The following LSM1 variants were observed in gnomAD, a reference collection of about 807,000 sequenced individuals.
LSM1 encodes the protein U6 snRNA-associated Sm-like protein LSm1.
LSM1 carries 13 observed loss-of-function variants against 18.0 expected under a neutral mutation model. The ratio of observed to expected loss-of-function variants is 0.72; its 90% CI spans 0.47 to 1.15. The LOEUF is 1.15. LSM1 is among the 50% of genes most tolerant of loss of function. The pLI is 0.00. For missense variants in LSM1, 152 were observed against 157.7 expected (o/e 0.96, Z 0.19); for synonymous variants, 46 against 56.0 (o/e 0.82, Z 0.80).
At position 38,163,772 on chromosome 8, in the gene LSM1, C is replaced by G. The variant is rs372428495; in HGVS notation, c.300G>C (p.Arg100Ser). The G allele has an allele frequency of 1.9e-6, 3 of 1,614,134 alleles. No homozygotes were observed. In the Admixed American group the frequency reaches 5.0e-5, roughly 27 times the overall value. The change falls in exon 4 of 4, where the codon AGG (arginine) becomes AGC (serine). Residue 100 changes from arginine to serine, a missense_variant. Physicochemically the swap from Arg to Ser is moderately radical, Grantham distance 110. Transcript: ENST00000311351. ...VSIEEILEEQ[R>S]VEQQTKLEAE... ...CTTCCAGCTTGGTCTGCTGTTCCAC[C>G]CTTTGTTCTTCTAGAATTTCTTCAA... is the stretch of plus-strand genomic sequence containing the variant.
intron 3 of LSM1, among the ~76,000 whole-genome samples, chr8:38,169,069 C>T (rs1327378207): frequency 1.3e-5 from 2 of 152,292 alleles, no homozygotes; most frequent in Non-Finnish European, 2.9e-5. Flanking sequence ...AGTGCTGGCT[C>T]AACCCTTAAT....
At chr8:38,167,206 CAATT>C (rs1336561466) in intron 3 of LSM1, among the ~76,000 whole-genome samples, 1 of 152,196 alleles carries the variant, frequency 6.6e-6, no homozygotes, top group African/African-American at 2.4e-5. Flanking sequence ...TCCAAGGAAA[CAATT>C]AAACTTCAAG....
In LSM1 at chr8:38,169,203, G is replaced by A. The variant is rs375090659; in HGVS notation, c.231+599C>T. Among the ~76,000 whole-genome samples, 176 of 152,106 alleles carry A rather than the reference G, an allele frequency of 1.2e-3. 1 individual carries two copies. Among genetic ancestry groups the A allele is most frequent in the African/African-American group, 3.9e-3 (163 of 41,474 alleles). On this transcript the variant is annotated intron_variant, in intron 3 of 3. Transcript: ENST00000311351. ...AAATCTGAGTACTTCTAGTAGGGGT[G>A]TGTGTGTGTATGTCTGCACACACGA...
intron 3 of LSM1, among the ~76,000 whole-genome samples, chr8:38,168,766 CA>C (rs1563274622): frequency 2.0e-5 from 3 of 150,656 alleles, no homozygotes; most frequent in Non-Finnish European, 4.4e-5. Flanking sequence ...TATTTCACAG[CA>C]TATATTTCAT....
chr8:38,168,731 A>G (rs1585639659), intron 3 of LSM1, among the ~76,000 whole-genome samples: 1 of 152,036 alleles, frequency 6.6e-6, no homozygotes, highest in Non-Finnish European at 1.5e-5. Context: ...TAAATATTTT[A>G]TAAGTAAGAA....
chr8:38,163,492 A>AT lies in LSM1; in HGVS notation c.*177dup, dbSNP rs5891007. ...TGTTTCTTTAAACAGTGATTTTGTT[A>AT]TTAAAAAAAAAACCCACCTACACGA... is the stretch of plus-strand genomic sequence containing the variant. On this transcript the variant is annotated 3_prime_UTR_variant, in exon 4 of 4. Coordinates refer to ENST00000311351, the MANE Select transcript of LSM1 (RefSeq NM_014462.3). 0.22 allele frequency: 115,810 copies of AT among 538,254 alleles called. 11,055 individuals carry two copies. The highest frequency in any genetic ancestry group is 0.29 in the East Asian group (9,838 of 33,832). The allele number at this position is 538,254 out of a possible 1,614,324, so 33.3% of individuals were successfully genotyped here.
intron 3 of LSM1, among the ~76,000 whole-genome samples, chr8:38,167,738 G>C (rs1228952793): frequency 6.6e-6 from 1 of 152,118 alleles, no homozygotes; most frequent in Non-Finnish European, 1.5e-5. Flanking sequence ...ACCATGCAGA[G>C]ATGGGTCAGC....
At position 38,176,316 on chromosome 8, in the gene LSM1, T is replaced by C. The variant is rs1803143620; in HGVS notation, c.5A>G (p.Asn2Ser). 1 of 1,612,612 alleles carries C rather than the reference T, an allele frequency of 6.2e-7. No homozygotes were observed. Among genetic ancestry groups the C allele is most frequent in the Non-Finnish European group, 8.5e-7 (1 of 1,179,434 alleles). ...GAGGCTGGCGGTGCCAGGCATATAGTTCATTTTGAACTGAAATAATGCTGC... is the reference window on the plus strand; with the variant it reads ...GAGGCTGGCGGTGCCAGGCATATAGCTCATTTTGAACTGAAATAATGCTGC... M[N>S]YMPGTASLIE... Residue 2 changes from asparagine to serine, a missense_variant, in exon 1 of 4, where the codon AAC (asparagine) becomes AGC (serine). Physicochemically the swap from Asn to Ser is conservative, Grantham distance 46 (BLOSUM62 1). Transcript: ENST00000311351.
At chr8:38,175,521 A>G (rs1803118373) in intron 1 of LSM1, among the ~76,000 whole-genome samples, 1 of 152,248 alleles carries the variant, frequency 6.6e-6, no homozygotes, top group Non-Finnish European at 1.5e-5. Context: ...TGCTTGAGGA[A>G]TAATGCACAG....
intron 2 of LSM1, among the ~76,000 whole-genome samples, chr8:38,171,254 C>T (rs1220627691): frequency 2.0e-5 from 3 of 152,176 alleles, no homozygotes; most frequent in East Asian, 1.9e-4. Flanking sequence ...AGCCTTGGGC[C>T]GGGCACAATG....
chr8:38,168,102 C>T (rs570246040), intron 3 of LSM1, among the ~76,000 whole-genome samples: 1 of 151,948 alleles, frequency 6.6e-6, no homozygotes, highest in South Asian at 2.1e-4. Context: ...GCTGGGACTA[C>T]AGGCGCCCGC....
At chr8:38,171,183 G>A (rs754237445) in intron 2 of LSM1, among the ~76,000 whole-genome samples, 56 of 152,128 alleles carry the variant, frequency 3.7e-4, no homozygotes, top group Non-Finnish European at 1.3e-4. Context: ...GCTAGGGAGG[G>A]ATTACCTTCA....
In LSM1 at chr8:38,163,728, T is replaced by C; in HGVS notation, c.344A>G (p.Gln115Arg). ...GGAAAGACCTCGGTCCTTCAGGGCC[T>C]GCACTTTCAACTTCTCTGCTTCCAG... Reference protein sequence around the residue: ...TKLEAEKLKVQALKDRGLSIP... With the variant: ...TKLEAEKLKVRALKDRGLSIP... Residue 115 changes from glutamine to arginine, a missense_variant, in exon 4 of 4, where the codon CAG becomes CGG. By Grantham distance (43) the Gln-to-Arg change is conservative. Coordinates refer to ENST00000311351, the MANE Select transcript of LSM1 (RefSeq NM_014462.3). 4 of 1,614,186 alleles carry C rather than the reference T, an allele frequency of 2.5e-6. No individual in the cohort carries two copies. The highest frequency in any genetic ancestry group is 1.1e-5 in the South Asian group (1 of 91,084).
At chr8:38,173,068 A>C (rs1346817288) in intron 1 of LSM1, among the ~76,000 whole-genome samples, 2 of 152,244 alleles carry the variant, frequency 1.3e-5, no homozygotes, top group African/African-American at 2.4e-5. Flanking sequence ...GGCAAGGGAA[A>C]GCCTCTCTGA....
intron 1 of LSM1, 149 bp downstream of exon 1, chr8:38,176,126 G>A (rs1563276923): frequency 3.2e-6 from 2 of 624,984 alleles, no homozygotes; most frequent in Non-Finnish European, 2.8e-6. Context: ...TACCGCAGCT[G>A]TGGAGGACAT....
chr8:38,175,019 C>CT (rs542205362), intron 1 of LSM1, among the ~76,000 whole-genome samples: 116 of 112,664 alleles, frequency 1.0e-3, no homozygotes, highest in African/African-American at 3.8e-3. Flanking sequence ...GAGCAAGACT[C>CT]TGTCTCAAAA....
chr8:38,168,592 A>C (rs974789764), intron 3 of LSM1, among the ~76,000 whole-genome samples: 29 of 136,252 alleles, frequency 2.1e-4, no homozygotes, highest in South Asian at 4.8e-4. Flanking sequence ...ACTCTGTCCC[A>C]AAAAAAAAAA....
intron 1 of LSM1, among the ~76,000 whole-genome samples, chr8:38,174,317 A>C (rs1803080441): frequency 6.6e-6 from 1 of 152,322 alleles, no homozygotes; most frequent in Middle Eastern, 3.4e-3. Context: ...TAACAACGAA[A>C]AAAGGTTCCA....
In LSM1 at chr8:38,176,461, GC is replaced by G; in HGVS notation, c.-142del. 1.5e-6 allele frequency: 1 copy of G among 664,642 alleles called. No individual in the cohort carries two copies. Among genetic ancestry groups the G allele is most frequent in the East Asian group, 2.7e-5 (1 of 36,448 alleles). 41.2% of individuals were successfully genotyped at this position (664,642 alleles called of 1,614,324 possible). The stretch of plus-strand genomic sequence containing the variant: ...ACCAGCACTTCTGCCCCGGCTTTCA[GC>G]CGCCGGGGGCTGCCGGAAGCTCCTC... On this transcript the variant is annotated 5_prime_UTR_variant, in exon 1 of 4. It removes the in-frame stop codon of an upstream open reading frame in the 5' UTR. Transcript: ENST00000311351.
Sources: allele counts gnomAD v4.1 joint callset (sites outside exome capture counted in the v4.1 genomes callset), GRCh38; gene constraint gnomAD v4.1.1; transcripts MANE v1.5; gene names NCBI Gene and HGNC (gene_info 2026-07-23, HGNC 2026-07-21).